PCDHA9: variants seen among roughly 807,000 people sequenced by gnomAD.
The protein encoded by PCDHA9 is protocadherin alpha-9.
Under a neutral mutation model 62.0 loss-of-function variants are expected in PCDHA9, and 62 were observed. The observed-to-expected ratio is 1.00, with a 90% CI of 0.81 to 1.23. PCDHA9 has a LOEUF of 1.23. Among genes scored for constraint, PCDHA9 ranks in the 50% most tolerant of loss-of-function variants. The pLI, the probability that PCDHA9 is intolerant of heterozygous loss-of-function variation, is 0.00. For synonymous variants in PCDHA9, 557 were observed against 567.6 expected (o/e 0.98, Z 0.27); for missense variants, 1,205 against 1,249.8 (o/e 0.96, Z 0.54).
intron 1 of PCDHA9, among the ~76,000 whole-genome samples, chr5:140,918,002 A>G (rs2153546564): frequency 1.3e-5 from 2 of 152,244 alleles, no homozygotes; most frequent in South Asian, 4.2e-4. Context: ...TATCTTAACA[A>G]TGTTGTTTCT....
Position 141,009,718 on chromosome 5 carries a change from A to C in PCDHA9, c.2634A>C (p.Gln878His). The change falls in exon 4 of 4, where the codon CAA becomes CAC. Residue 878 changes from glutamine to histidine, a missense_variant. Around this residue, in one of 3 missense-constraint regions of PCDHA9, gnomAD observed 887 missense variants for 809.5 expected, o/e 1.10. Coordinates refer to ENST00000532602, the MANE Select transcript of PCDHA9 (RefSeq NM_031857.2). Reference protein sequence around the residue: ...TFKYGPGNPKQSGPGELPDKF... With the variant: ...TFKYGPGNPKHSGPGELPDKF... Reference sequence around the variant, plus strand: ...AATACGGACCAGGCAACCCCAAACAATCCGGTCCCGGTGAGTTGCCCGACA... The same window carrying C: ...AATACGGACCAGGCAACCCCAAACACTCCGGTCCCGGTGAGTTGCCCGACA... 6.2e-7 allele frequency: 1 copy of C among 1,614,044 alleles called. No individual in the cohort carries two copies. Among genetic ancestry groups the C allele is most frequent in the Non-Finnish European group, 8.5e-7 (1 of 1,180,018 alleles).
intron 1 of PCDHA9, among the ~76,000 whole-genome samples, chr5:140,972,103 CA>C (rs1388508761): frequency 2.0e-5 from 3 of 152,104 alleles, no homozygotes; most frequent in Non-Finnish European, 4.4e-5. Context: ...GGCATAGAAG[CA>C]GGTAACAAAT....
At chr5:140,966,900 G>A (rs376213042) in intron 1 of PCDHA9, 1 of 1,598,684 alleles carries the variant, frequency 6.3e-7, no homozygotes, top group Non-Finnish European at 8.5e-7. Flanking sequence ...TCCCAGCTGC[G>A]ATACTCTGTG....
rs1781549856 is a variant in PCDHA9, at chr5:140,848,492, T to C, written c.-4T>C. 2 of 1,575,612 alleles carry C rather than the reference T, an allele frequency of 1.3e-6. No individual in the cohort carries two copies. The highest frequency in any genetic ancestry group is 2.3e-5 in the South Asian group (2 of 88,240). ...ACTAATTAGAAGAAGACTGAGTATT[T>C]GAAATGTTATACTCAAGTCGAGGAG... On this transcript the variant is annotated 5_prime_UTR_variant, in exon 1 of 4. Coordinates refer to ENST00000532602, the MANE Select transcript of PCDHA9 (RefSeq NM_031857.2).
chr5:140,891,226 C>T (rs1417836006), intron 1 of PCDHA9, among the ~76,000 whole-genome samples: 1 of 152,026 alleles, frequency 6.6e-6, no homozygotes, highest in Admixed American at 6.6e-5. Flanking sequence ...TTATAATCAT[C>T]CTGTTCTGGA....
chr5:140,980,036 G>A (rs952735379), intron 2 of PCDHA9, among the ~76,000 whole-genome samples: 9 of 152,294 alleles, frequency 5.9e-5, no homozygotes, highest in Non-Finnish European at 1.0e-4. Flanking sequence ...ATTACATTGG[G>A]TGCTATTTCT....
chr5:140,899,069 A>G (rs1554188379), intron 1 of PCDHA9, among the ~76,000 whole-genome samples: 1 of 152,164 alleles, frequency 6.6e-6, no homozygotes, highest in Non-Finnish European at 1.5e-5. Flanking sequence ...GAAGTTGCTT[A>G]TCAGCTTAAG....
At chr5:140,966,416 A>T in intron 1 of PCDHA9, 1 of 419,730 alleles carries the variant, frequency 2.4e-6, no homozygotes, top group Non-Finnish European at 4.1e-6. Context: ...TCAGAGCAGG[A>T]CTTGCTGAGC....
At chr5:140,960,748 A>C (rs1408249489) in intron 1 of PCDHA9, among the ~76,000 whole-genome samples, 1 of 152,008 alleles carries the variant, frequency 6.6e-6, no homozygotes, top group Non-Finnish European at 1.5e-5. Flanking sequence ...TCCATGGCTA[A>C]AATCCCAAGA....
chr5:140,866,116 T>C (rs1232986434), intron 1 of PCDHA9: 2 of 152,196 alleles, frequency 1.3e-5, no homozygotes, highest in Non-Finnish European at 2.9e-5. Flanking sequence ...AGTTGCCTTA[T>C]AAGAACTACG....
At chr5:141,005,548 A>G (rs970223535) in intron 3 of PCDHA9, among the ~76,000 whole-genome samples, 2 of 151,322 alleles carry the variant, frequency 1.3e-5, no homozygotes, top group African/African-American at 4.9e-5. Flanking sequence ...CTAAAAATAC[A>G]AAAATTAGCC....
intron 1 of PCDHA9, chr5:140,854,783 A>C (rs1360368863): frequency 6.7e-6 from 1 of 149,694 alleles, no homozygotes; most frequent in East Asian, 1.9e-4. Flanking sequence ...GATTTCAAGA[A>C]CTTTGAGAGA....
chr5:140,965,877 G>C (rs1355769719), intron 1 of PCDHA9, among the ~76,000 whole-genome samples: 3 of 152,210 alleles, frequency 2.0e-5, no homozygotes, highest in Non-Finnish European at 4.4e-5. Context: ...CCACTTGGCC[G>C]AGAGCAGAAT....
chr5:140,965,440 T>C (rs1028835719), intron 1 of PCDHA9, among the ~76,000 whole-genome samples: 42 of 151,984 alleles, frequency 2.8e-4, no homozygotes, highest in Admixed American at 1.3e-4. Context: ...GTCATTGAAA[T>C]TGCTGGTTAT....
intron 1 of PCDHA9, chr5:140,867,287 A>T (rs1264218929): frequency 1.3e-5 from 2 of 152,110 alleles, no homozygotes; most frequent in African/African-American, 2.4e-5. Context: ...ATGTGCTTCA[A>T]ATATCATGTT....
rs1272799738 is a variant in PCDHA9 at position 140,969,033 on chromosome 5, T to C, written c.2395-9916T>C. On this transcript the variant is annotated intron_variant, in intron 1 of 3. Coordinates refer to ENST00000532602, the MANE Select transcript of PCDHA9 (RefSeq NM_031857.2). ...GTAAGGGAAAGGTCCCCTGCAGAAC[T>C]GTACAAACAAGCCAACAACAATATT... 5 of 1,614,028 alleles carry C rather than the reference T, an allele frequency of 3.1e-6. No individual in the cohort carries two copies. Among genetic ancestry groups the C allele is most frequent in the Admixed American group, 3.3e-5 (2 of 60,006 alleles).
intron 1 of PCDHA9, among the ~76,000 whole-genome samples, chr5:140,952,946 G>A (rs2094822679): frequency 6.6e-6 from 1 of 152,070 alleles, no homozygotes; most frequent in African/African-American, 2.4e-5. Flanking sequence ...AAGAGAGAGA[G>A]AAGGGGGAAG....
chr5:140,897,881 C>G (rs1417702752), intron 1 of PCDHA9, among the ~76,000 whole-genome samples: 1 of 152,312 alleles, frequency 6.6e-6, no homozygotes, highest in Admixed American at 6.5e-5. Context: ...GATTGCCATT[C>G]TAACTGGTGT....
intron 1 of PCDHA9, chr5:140,877,279 T>G (rs782432213): frequency 1.2e-6 from 2 of 1,613,820 alleles, no homozygotes; most frequent in Non-Finnish European, 1.7e-6. Flanking sequence ...TGACTCCGGC[T>G]ATAACGCTTG....
Sources: gnomAD v4.1 joint callset for allele counts (sites outside exome capture counted in the v4.1 genomes callset) on GRCh38, gnomAD v4.1.1 for gene constraint, gnomAD v4.1.1 regional missense constraint, MANE v1.5 for transcripts, NCBI Gene and HGNC (gene_info 2026-07-23, HGNC 2026-07-21) for gene names.